Variants in RGS12 observed in about 807,000 individuals in gnomAD.
RGS12 encodes regulator of G-protein signaling 12.
RGS12 carries 66 observed loss-of-function variants against 120.1 expected under a neutral mutation model. The ratio of observed to expected loss-of-function variants is 0.55; its 90% confidence interval spans 0.45 to 0.67. The LOEUF is 0.67. Among genes scored for constraint, RGS12 ranks in the 30% least tolerant of loss-of-function variants. RGS12 has a pLI of 0.00. For synonymous variants in RGS12, 827 were observed against 804.7 expected, an observed-to-expected ratio of 1.03 and a Z score of -0.47; for missense variants, 1,859 against 1,957.7, an observed-to-expected ratio of 0.95 and a Z score of 0.95.
intron 4 of RGS12, among the ~76,000 whole-genome samples, chr4:3,405,535 C>G (rs1721018364): frequency 6.6e-6 from 1 of 152,154 alleles, no homozygotes. Flanking sequence ...ACCCTGAGTT[C>G]CACCCTGCTC....
chr4:3,287,351 T>C, the RGS12 span, among the ~76,000 whole-genome samples: 1 of 151,986 alleles, frequency 6.6e-6, no homozygotes, highest in South Asian at 2.1e-4. Context: ...CATCACATGG[T>C]CTGAAAAAAA....
intron 1 of RGS12, among the ~76,000 whole-genome samples, chr4:3,309,168 A>G (rs1436530256): frequency 0.018 from 95 of 5,148 alleles, 1 homozygote; most frequent in East Asian, 0.025. Context: ...AACCGTGTTG[A>G]GGAGGAGCTG....
At chr4:3,307,773 A>G (rs1442110274) in intron 1 of RGS12, among the ~76,000 whole-genome samples, 7 of 152,196 alleles carry the variant, frequency 4.6e-5, no homozygotes, top group African/African-American at 2.4e-5. Flanking sequence ...TCCTTGTGTT[A>G]GCAGAACTCC....
At chr4:3,369,056 C>A (rs1330762106) in intron 3 of RGS12, among the ~76,000 whole-genome samples, 4 of 152,114 alleles carry the variant, frequency 2.6e-5, no homozygotes, top group Non-Finnish European at 1.5e-5. Context: ...GCGGGAGCCC[C>A]TTCCTGGGCT....
At position 3,386,398 on chromosome 4, in the gene RGS12, C is replaced by T. The variant is rs1294625412; in HGVS notation, c.1999-18C>T. On this transcript the variant is annotated intron_variant, in intron 3 of 17. Transcript: ENST00000336727. Reference sequence around the variant, plus strand: ...CATGAGGCTTAATTAACTCATGTCTCTCTCTCTTTTCTTTCAGTCTGCAAC... The same window carrying T: ...CATGAGGCTTAATTAACTCATGTCTTTCTCTCTTTTCTTTCAGTCTGCAAC... 3.7e-6 allele frequency: 6 copies of T among 1,610,960 alleles called. No homozygotes were observed. Among genetic ancestry groups the T allele is most frequent in the Non-Finnish European group, 5.1e-6 (6 of 1,177,268 alleles).
chr4:3,382,722 C>T (rs1416454267), intron 3 of RGS12, among the ~76,000 whole-genome samples: 1 of 151,868 alleles, frequency 6.6e-6, no homozygotes, highest in Non-Finnish European at 1.5e-5. Flanking sequence ...TTCCATCTTC[C>T]AGTTCCCAAA....
At chr4:3,378,335 C>T (rs139953695) in intron 3 of RGS12, 1 of 152,200 alleles carries the variant, frequency 6.6e-6, no homozygotes, top group East Asian at 1.9e-4. Context: ...GGGAAAGCTC[C>T]ATGACATCAG....
intron 4 of RGS12, among the ~76,000 whole-genome samples, chr4:3,387,268 T>C (rs1396334875): frequency 6.6e-6 from 1 of 152,120 alleles, no homozygotes; most frequent in East Asian, 1.9e-4. Flanking sequence ...GGGTTTGAGG[T>C]GCCACTGTAT....
At chr4:3,376,108 G>C (rs919503076) in intron 3 of RGS12, among the ~76,000 whole-genome samples, 1 of 152,240 alleles carries the variant, frequency 6.6e-6, no homozygotes, top group African/African-American at 2.4e-5. Flanking sequence ...GGGCTCAAAA[G>C]TTGTCAGAAT....
chr4:3,409,171 GCT>G (rs1303476147), intron 4 of RGS12, among the ~76,000 whole-genome samples: 2 of 152,148 alleles, frequency 1.3e-5, no homozygotes, highest in African/African-American at 4.8e-5. Flanking sequence ...CCGAGGCTGT[GCT>G]CTCTCAGGAG....
intron 3 of RGS12, among the ~76,000 whole-genome samples, chr4:3,375,907 A>G (rs1717640449): frequency 2.0e-5 from 3 of 152,192 alleles, no homozygotes; most frequent in Admixed American, 2.0e-4. Flanking sequence ...CTGAGTCACG[A>G]ATGTCGGCCT....
At chr4:3,409,964 T>C (rs1721563450) in intron 4 of RGS12, among the ~76,000 whole-genome samples, 1 of 152,250 alleles carries the variant, frequency 6.6e-6, no homozygotes, top group South Asian at 2.1e-4. Flanking sequence ...TGCTGCTCCG[T>C]GCTGGCTCCC....
chr4:3,317,822 C>G lies in RGS12; in HGVS notation c.1652C>G (p.Thr551Ser). 1.9e-6 allele frequency: 3 copies of G among 1,613,154 alleles called. No individual in the cohort carries two copies. The highest frequency in any genetic ancestry group is 2.5e-6 in the Non-Finnish European group (3 of 1,179,670). ...HVLREWQCGHTSDQDSYTDST... is the reference protein window; with the variant it reads ...HVLREWQCGHSSDQDSYTDST... ...CTCCGGGAGTGGCAGTGCGGACACA[C>G]CAGCGACCAGGACTCTTACACAGAT... The change falls in exon 2 of 18, where the codon ACC (threonine) becomes AGC (serine). Residue 551 changes from threonine (T) to serine (S), a missense_variant. Around this residue, in one of 3 missense-constraint regions of RGS12, gnomAD observed 967 missense variants for 994.2 expected, o/e 0.97. Transcript: ENST00000336727.
At chr4:3,420,300 C>T (rs560144488) in intron 9 of RGS12, 1 of 342,802 alleles carries the variant, frequency 2.9e-6, no homozygotes, top group African/African-American at 2.2e-5. Flanking sequence ...GGACATGCAC[C>T]TGGGTCTGTG....
At chr4:3,310,830 G>A (rs1724347534) in intron 1 of RGS12, among the ~76,000 whole-genome samples, 1 of 152,128 alleles carries the variant, frequency 6.6e-6, no homozygotes, top group Non-Finnish European at 1.5e-5. Context: ...AAGGTGGCGT[G>A]GTGTCTTGCT....
chr4:3,367,481 C>T (rs913091967), intron 3 of RGS12, among the ~76,000 whole-genome samples: 21 of 152,360 alleles, frequency 1.4e-4, no homozygotes, highest in Admixed American at 3.9e-4. Flanking sequence ...GGTCTGAACC[C>T]GACTCCCACC....
intron 3 of RGS12, among the ~76,000 whole-genome samples, chr4:3,373,775 C>T (rs1048356295): frequency 5.3e-5 from 8 of 152,326 alleles, no homozygotes; most frequent in South Asian, 2.1e-4. Flanking sequence ...TCTGTGCCGG[C>T]GAGCATCAGC....
intron 3 of RGS12, among the ~76,000 whole-genome samples, chr4:3,364,503 C>T (rs112451930): frequency 0.011 from 1,699 of 152,130 alleles, 44 homozygotes; most frequent in African/African-American, 0.039. Flanking sequence ...GGAGCTTGCC[C>T]TCTGCTTGGG....
intron 17 of RGS12, chr4:3,432,006 A>C (rs1724354282): frequency 2.0e-6 from 2 of 985,380 alleles, no homozygotes; most frequent in South Asian, 9.4e-5. Context: ...CAGCCAGGAC[A>C]CGCCTGGATG....
Sources: allele counts gnomAD v4.1 joint callset (sites outside exome capture counted in the v4.1 genomes callset), GRCh38; gene constraint gnomAD v4.1.1; regional missense constraint gnomAD v4.1.1; transcripts MANE v1.5; gene names NCBI Gene and HGNC (gene_info 2026-07-23, HGNC 2026-07-21).